The following IQSEC1 variants were observed in gnomAD, a reference collection of about 807,000 sequenced individuals.
IQSEC1 encodes the protein IQ motif and Sec7 domain ArfGEF 1.
A neutral mutation model predicts 91.0 loss-of-function variants in IQSEC1; 31 were observed. The observed-to-expected ratio is 0.34, with a 90% CI of 0.26 to 0.46. The LOEUF (loss-of-function observed/expected upper bound fraction) is 0.46, where lower values mean the gene tolerates loss of function less well. IQSEC1 is among the 20% of genes least tolerant of loss of function. The probability of loss-of-function intolerance (pLI) is 1.00; values close to 1 mark genes in which losing one functional copy is unlikely to be tolerated. For synonymous variants in IQSEC1, 699 were observed against 662.6 expected (o/e 1.05, Z -0.84); for missense variants, 1,388 against 1,575.6 (o/e 0.88, Z 2.02).
intron 1 of IQSEC1, among the ~76,000 whole-genome samples, chr3:12,954,799 C>A (rs1699795149): frequency 6.6e-6 from 1 of 152,186 alleles, no homozygotes; most frequent in Admixed American, 6.5e-5. Context: ...GACTTGGGGA[C>A]CTGCACAACC....
At chr3:13,114,127 G>C (rs537470876) in intron 2 of IQSEC1, among the ~76,000 whole-genome samples, 4 of 152,370 alleles carry the variant, frequency 2.6e-5, no homozygotes, top group Non-Finnish European at 5.9e-5. Flanking sequence ...GTGCTGAGGG[G>C]CCAGGCTGGG....
rs577761511 is a variant in IQSEC1 at position 13,168,689 on chromosome 3, C to T, written c.273-4556G>A. 5.3e-5 allele frequency among the ~76,000 whole-genome samples: 8 copies of T among 152,332 alleles called. No homozygotes were observed. The South Asian group carries it at 1.4e-3, about 28-fold the overall frequency. ...GCCCTCACACAGCCAAGCTCCCCAA[C>T]ACCAGCTCTAGGGCATTGCTGTTCC... is the stretch of plus-strand genomic sequence containing the variant. On this transcript the variant is annotated intron_variant, in intron 1 of 15. Coordinates refer to the IQSEC1 transcript ENST00000648114.
chr3:12,914,851 G>A (rs1035264381), intron 8 of IQSEC1, among the ~76,000 whole-genome samples: 16 of 152,052 alleles, frequency 1.1e-4, no homozygotes, highest in South Asian at 2.1e-4. Flanking sequence ...TGTTTCAGGC[G>A]CAGGGTCTGG....
At chr3:13,105,391 G>A (rs1706137464) in intron 2 of IQSEC1, among the ~76,000 whole-genome samples, 1 of 152,184 alleles carries the variant, frequency 6.6e-6, no homozygotes, top group Non-Finnish European at 1.5e-5. Flanking sequence ...CCTCTGGGAT[G>A]GCCAGCAGAC....
At chr3:13,150,421 A>T (rs1576272705) in intron 2 of IQSEC1, among the ~76,000 whole-genome samples, 2 of 152,308 alleles carry the variant, frequency 1.3e-5, no homozygotes, top group East Asian at 3.9e-4. Context: ...CTTAGCAGGG[A>T]ACTTGTCAGT....
At chr3:13,053,968 A>T (rs538901618) in intron 1 of IQSEC1, among the ~76,000 whole-genome samples, 1 of 152,202 alleles carries the variant, frequency 6.6e-6, no homozygotes, top group Non-Finnish European at 1.5e-5. Context: ...GCCTGGGTGT[A>T]GATGTGTTTT....
At chr3:13,215,152 A>G (rs357150) in intron 1 of IQSEC1, among the ~76,000 whole-genome samples, 152,021 of 152,108 alleles carry the variant, frequency 1, 75,967 homozygotes, top group Middle Eastern at 1. Context: ...AGGCTCCTGC[A>G]GTACACAAGA....
At position 12,922,774 on chromosome 3, in the gene IQSEC1, C is replaced by T. The variant is rs1259522012; in HGVS notation, c.1731-532G>A. ...ACTTGAAAGGGCCATGCACCCTCAT[C>T]TGTGGGGCAGGGCCTGGAGGGGCGG... On this transcript the variant is annotated intron_variant, in intron 4 of 13. Coordinates refer to ENST00000613206, the MANE Select transcript of IQSEC1 (RefSeq NM_001134382.3). The surrounding 1 kb of genome is among the most constrained non-coding windows in gnomAD (Gnocchi z 5.1). 2.0e-5 allele frequency among the ~76,000 whole-genome samples: 3 copies of T among 152,140 alleles called. No homozygotes were observed. The highest frequency in any genetic ancestry group is 4.4e-5 in the Non-Finnish European group (3 of 68,026).
intron 2 of IQSEC1, among the ~76,000 whole-genome samples, chr3:13,104,803 G>A (rs559149109): frequency 3.9e-4 from 60 of 152,332 alleles, no homozygotes; most frequent in South Asian, 2.5e-3. Flanking sequence ...GTGAGGGGCT[G>A]TAGGAGCCAG....
At chr3:12,910,047 CAT>C (rs941178927) in intron 10 of IQSEC1, among the ~76,000 whole-genome samples, 20 of 152,346 alleles carry the variant, frequency 1.3e-4, no homozygotes, top group African/African-American at 3.6e-4. Flanking sequence ...CTCCTGTGTG[CAT>C]ATGTGTGCAC....
At chr3:12,991,036 A>G (rs1701963679) in intron 1 of IQSEC1, among the ~76,000 whole-genome samples, 1 of 152,076 alleles carries the variant, frequency 6.6e-6, no homozygotes, top group Admixed American at 6.6e-5. Flanking sequence ...GCTTTTCCAA[A>G]CTGACGCTTG....
At chr3:13,194,020 C>A (rs1694080231) in intron 1 of IQSEC1, among the ~76,000 whole-genome samples, 1 of 152,194 alleles carries the variant, frequency 6.6e-6, no homozygotes, top group South Asian at 2.1e-4. Context: ...CGACAGCCCC[C>A]TTTCCTGAGT....
chr3:13,252,843 C>G (rs995338980), intron 1 of IQSEC1, among the ~76,000 whole-genome samples: 2 of 152,194 alleles, frequency 1.3e-5, no homozygotes, highest in East Asian at 1.9e-4. Flanking sequence ...CGCCATTCTC[C>G]TGCCTCAGCC....
chr3:12,952,963 C>T (rs998252265), intron 1 of IQSEC1, among the ~76,000 whole-genome samples: 2 of 152,204 alleles, frequency 1.3e-5, no homozygotes, highest in Admixed American at 6.5e-5. Context: ...AGGAAGAGGT[C>T]GGGCTCGTGG....
intron 1 of IQSEC1, among the ~76,000 whole-genome samples, chr3:12,952,127 G>C (rs1267848726): frequency 6.6e-6 from 1 of 152,162 alleles, no homozygotes; most frequent in South Asian, 2.1e-4. Flanking sequence ...GGGGTCAGGA[G>C]GGTTTCTGCG....
rs773901359 is a variant in IQSEC1 at position 12,898,933 on chromosome 3, C to T, written c.*2050G>A. 3 of 158,924 alleles carry T rather than the reference C, an allele frequency of 1.9e-5. No individual in the cohort carries two copies. The highest frequency in any genetic ancestry group is 6.3e-5 in the Admixed American group (1 of 15,982). The allele number at this position is 158,924 out of a possible 1,614,324, so 9.8% of individuals were successfully genotyped here. ...AATTGATGAGTCGGAGACACCAGGGCGCTTCCCTGACAGCCCAGCCTGGAC... is the reference window on the plus strand; with the variant it reads ...AATTGATGAGTCGGAGACACCAGGGTGCTTCCCTGACAGCCCAGCCTGGAC... On this transcript the variant is annotated 3_prime_UTR_variant, in exon 14 of 14. Coordinates refer to ENST00000613206, the MANE Select transcript of IQSEC1 (RefSeq NM_001134382.3).
chr3:13,146,437 A>G (rs1002219535), intron 2 of IQSEC1, among the ~76,000 whole-genome samples: 1 of 149,386 alleles, frequency 6.7e-6, no homozygotes, highest in African/African-American at 2.6e-5. Flanking sequence ...CAGCCAGGCT[A>G]GGAGGGAACG....
intron 8 of IQSEC1, among the ~76,000 whole-genome samples, chr3:12,914,171 C>T (rs1048727810): frequency 3.9e-5 from 6 of 152,234 alleles, no homozygotes; most frequent in African/African-American, 1.4e-4. Context: ...GGCACTTGCC[C>T]TGGACCCGTC....
chr3:13,146,292 C>T (rs1054541078), intron 2 of IQSEC1, among the ~76,000 whole-genome samples: 3 of 152,174 alleles, frequency 2.0e-5, no homozygotes, highest in African/African-American at 7.2e-5. Context: ...TGGCCAGTCC[C>T]TGCTCTTTAG....
Sources: allele counts gnomAD v4.1 joint callset (sites outside exome capture counted in the v4.1 genomes callset), GRCh38; gene constraint gnomAD v4.1.1; non-coding constraint Gnocchi (gnomAD v3.1); transcripts MANE v1.5; gene names NCBI Gene and HGNC (gene_info 2026-07-23, HGNC 2026-07-21).